PRH1: variants seen among roughly 807,000 people sequenced by gnomAD.
PRH1 encodes the protein salivary acidic proline-rich phosphoprotein 1/2.
PRH1 carries 7 observed loss-of-function variants against 7.9 expected under a neutral mutation model. That is an observed-to-expected ratio of 0.89 (90% confidence interval 0.50 to 1.67). The LOEUF (loss-of-function observed/expected upper bound fraction) is 1.67, where lower values mean the gene tolerates loss of function less well. Among genes scored for constraint, PRH1 ranks in the 40% most tolerant of loss-of-function variants. The probability of loss-of-function intolerance (pLI) is 0.00; values close to 1 mark genes in which losing one functional copy is unlikely to be tolerated. For missense variants in PRH1, 109 were observed against 223.6 expected, an observed-to-expected ratio of 0.49 and a Z score of 3.27; for synonymous variants, 45 against 80.8, an observed-to-expected ratio of 0.56 and a Z score of 2.38.
chr12:10,930,462 T>C (rs763329235), intron 2 of PRH1, among the ~76,000 whole-genome samples: 12 of 152,108 alleles, frequency 7.9e-5, no homozygotes, highest in South Asian at 2.1e-4. Flanking sequence ...CTGGGGACCA[T>C]GAGTAAAGAA....
In PRH1 at chr12:11,169,801, A is replaced by G. The variant is rs117150558; in HGVS notation, n.39+1621T>C. Among the ~76,000 whole-genome samples the G allele has an allele frequency of 3.2e-3, 490 of 152,344 alleles. 3 individuals are homozygous for G. The highest frequency in any genetic ancestry group is 6.0e-3 in the Non-Finnish European group (411 of 68,034). Reference sequence around the variant, plus strand: ...CTATACCAGTATTTTAGAAGTTGTCATAAGTAATTCCTCTAAGTGCTACCT... The same window carrying G: ...CTATACCAGTATTTTAGAAGTTGTCGTAAGTAATTCCTCTAAGTGCTACCT... On this transcript the variant is annotated intron_variant and non_coding_transcript_variant, in intron 1 of 1. Coordinates refer to the PRH1 transcript ENST00000541175.
chr12:10,950,272 A>C (rs554734716), intron 2 of PRH1, among the ~76,000 whole-genome samples: 1 of 152,156 alleles, frequency 6.6e-6, no homozygotes, highest in Non-Finnish European at 1.5e-5. Flanking sequence ...GTGATCCTCC[A>C]TCATAATCAG....
intron 2 of PRH1, among the ~76,000 whole-genome samples, chr12:10,920,563 A>G (rs187319482): frequency 7.7e-4 from 117 of 152,244 alleles, no homozygotes; most frequent in African/African-American, 2.7e-3. Context: ...TTAATGGACC[A>G]GTGCTGGTGA....
intron 2 of PRH1, among the ~76,000 whole-genome samples, chr12:10,922,685 T>C (rs951144136): frequency 1.3e-5 from 2 of 152,100 alleles, no homozygotes; most frequent in Non-Finnish European, 2.9e-5. Context: ...GATATGGCAG[T>C]TTATTAAGTG....
intron 2 of PRH1, among the ~76,000 whole-genome samples, chr12:10,918,675 A>G (rs1280492663): frequency 6.6e-6 from 1 of 152,242 alleles, no homozygotes. Context: ...CTTTGCACAC[A>G]TTATAATTCT....
At position 11,076,387 on chromosome 12, in the gene PRH1, T is replaced by A. The variant is rs1944290601; in HGVS notation, n.124-29199A>T. On this transcript the variant is annotated intron_variant and non_coding_transcript_variant, in intron 1 of 4. Coordinates refer to the PRH1 transcript ENST00000541977. ...CATTTAACATTTGAAGAAAGTTTCA[T>A]TTGATTATCATCTATAGTTTCTATA... Among the ~76,000 whole-genome samples the A allele has an allele frequency of 5.2e-5, 3 of 57,164 alleles. No homozygotes were observed. In the South Asian group the frequency reaches 1.4e-3, roughly 27 times the overall value. The allele number at this position is 57,164 out of a possible 152,430, so 37.5% of individuals were successfully genotyped here. A position where few individuals can be genotyped will look rare whatever the true frequency, so the allele number is the denominator to read the frequency against.
intron 2 of PRH1, among the ~76,000 whole-genome samples, chr12:10,934,021 GT>G (rs1270825250): frequency 1.3e-5 from 2 of 152,178 alleles, no homozygotes; most frequent in East Asian, 3.9e-4. Context: ...TACAATAGCC[GT>G]TTATTAATTC....
chr12:11,128,104 C>T (rs1324717763), intron 1 of PRH1, among the ~76,000 whole-genome samples: 4 of 43,952 alleles, frequency 9.1e-5, no homozygotes, highest in Non-Finnish European at 2.0e-4. Context: ...GAGCGAGACT[C>T]AGTCTCAAAA....
upstream of PRH1, among the ~76,000 whole-genome samples, chr12:10,886,341 G>A (rs1342559260): frequency 6.6e-6 from 1 of 152,192 alleles, no homozygotes; most frequent in Non-Finnish European, 1.5e-5. Flanking sequence ...GAAGCTGCAG[G>A]CCTGGTGCAA....
intron 1 of PRH1, among the ~76,000 whole-genome samples, chr12:11,112,735 C>T (rs527732109): frequency 6.6e-6 from 1 of 152,030 alleles, no homozygotes; most frequent in Non-Finnish European, 1.5e-5. Context: ...CTTTGAAAAT[C>T]GGCACAAAAC....
rs562433972 is a variant in PRH1 at position 11,093,572 on chromosome 12, G to A, written n.124-46384C>T. On this transcript the variant is annotated intron_variant and non_coding_transcript_variant, in intron 1 of 4. Transcript: ENST00000541977. ...TAATTCTTAGGACTTGGTAAAGTTC[G>A]TCTCAAGTCTAATGTTTAAATATTT... Among the ~76,000 whole-genome samples, 10 of 114,622 alleles carry A rather than the reference G, an allele frequency of 8.7e-5. 3 individuals carry two copies. Among genetic ancestry groups the A allele is most frequent in the Admixed American group, 3.5e-4 (4 of 11,370 alleles). The allele number at this position is 114,622 out of a possible 152,430, so 75.2% of individuals were successfully genotyped here.
At chr12:10,885,248 A>T (rs1949473310), upstream of PRH1, among the ~76,000 whole-genome samples, 1 of 152,116 alleles carries the variant, frequency 6.6e-6, no homozygotes, top group South Asian at 2.1e-4. Context: ...TAATTATGTC[A>T]CCTGTTTCAT....
chr12:10,939,921 C>G (rs907555685), intron 2 of PRH1, among the ~76,000 whole-genome samples: 5 of 152,130 alleles, frequency 3.3e-5, no homozygotes, highest in Non-Finnish European at 5.9e-5. Flanking sequence ...TAATTAGTTT[C>G]ATTTAATTAT....
chr12:11,046,395 T>G (rs1310062321), intron 1 of PRH1, among the ~76,000 whole-genome samples: 2 of 152,142 alleles, frequency 1.3e-5, no homozygotes, highest in African/African-American at 4.8e-5. Flanking sequence ...ATAGTTTATA[T>G]TCAGAAGTTG....
chr12:10,922,603 T>C (rs1169382611), intron 2 of PRH1, among the ~76,000 whole-genome samples: 3 of 152,174 alleles, frequency 2.0e-5, no homozygotes, highest in Admixed American at 6.5e-5. Flanking sequence ...TACAGATTTC[T>C]ACATAAAAGT....
At position 10,994,344 on chromosome 12, in the gene PRH1, A is replaced by G. The variant is rs138775270; in HGVS notation, c.-125-20623T>C. Among the ~76,000 whole-genome samples the G allele has an allele frequency of 8.4e-3, 1,277 of 152,346 alleles. 8 individuals carry two copies. The highest frequency in any genetic ancestry group is 0.013 in the Non-Finnish European group (861 of 68,038). On this transcript the variant is annotated intron_variant, in intron 1 of 3. Transcript: ENST00000539853. Reference sequence around the variant, plus strand: ...CCCTGGCCAGTGGGAAATAGAAGACAGAAGACAGCTGAGCAGATATATTCT... The same window carrying G: ...CCCTGGCCAGTGGGAAATAGAAGACGGAAGACAGCTGAGCAGATATATTCT...
chr12:10,938,256 A>C lies in PRH1; in HGVS notation c.-59+35399T>G, dbSNP rs1254251446. 1.9e-6 allele frequency: 3 copies of C among 1,575,742 alleles called. No individual in the cohort carries two copies. In the South Asian group the frequency reaches 3.5e-5, roughly 19 times the overall value. On this transcript the variant is annotated intron_variant, in intron 2 of 3. Transcript: ENST00000539853. ...GAGCTATTTTTTTTCTAATATATTC[A>C]AGATGATTCTCTAAATTCTTTGTGA...
intron 1 of PRH1, chr12:10,986,968 T>C: frequency 1.3e-6 from 1 of 773,448 alleles, no homozygotes; most frequent in Non-Finnish European, 1.9e-6. Flanking sequence ...GAATGTGCAG[T>C]AACATTCTTT....
intron 1 of PRH1, among the ~76,000 whole-genome samples, chr12:11,098,258 T>C (rs1263135153): frequency 6.6e-6 from 1 of 150,644 alleles, no homozygotes; most frequent in Non-Finnish European, 1.5e-5. Flanking sequence ...TGCACCTAAT[T>C]TGTAAATCTG....
Sources: gnomAD v4.1 joint callset for allele counts (sites outside exome capture counted in the v4.1 genomes callset) on GRCh38, gnomAD v4.1.1 for gene constraint, MANE v1.5 for transcripts, NCBI Gene and HGNC (gene_info 2026-07-23, HGNC 2026-07-21) for gene names.